Variants in AKR1C3 observed in about 807,000 individuals in gnomAD.
AKR1C3 encodes 3-alpha hydroxysteroid dehydrogenase, type II.
In AKR1C3, 48 loss-of-function variants were observed where a neutral mutation model predicts 43.6. That is an observed-to-expected ratio of 1.10 (90% CI 0.87 to 1.40). The LOEUF is 1.40. Among genes scored for constraint, AKR1C3 ranks in the 40% most tolerant of loss-of-function variants. The pLI, the probability that AKR1C3 is intolerant of heterozygous loss-of-function variation, is 0.00. For synonymous variants in AKR1C3, 162 were observed against 139.6 expected (o/e 1.16, Z -1.13); for missense variants, 482 against 391.2 (o/e 1.23, Z -1.96).
In AKR1C3 at chr10:5,100,276, A is replaced by G. The variant is rs1839315782; in HGVS notation, c.570+827A>G. On this transcript the variant is annotated intron_variant, in intron 5 of 8. Transcript: ENST00000380554. ...GCCATTGCACTCCAGCCTGGGCAACAAGAGTGAAACTCCGTCTCAAAAAAA... is the reference window on the plus strand; with the variant it reads ...GCCATTGCACTCCAGCCTGGGCAACGAGAGTGAAACTCCGTCTCAAAAAAA... Among the ~76,000 whole-genome samples, 4 of 152,176 alleles carry G rather than the reference A, an allele frequency of 2.6e-5. No homozygotes were observed. In the South Asian group the frequency reaches 8.3e-4, roughly 32 times the overall value.
At chr10:5,052,382 G>C (rs1321657862) in intron 1 of AKR1C3, among the ~76,000 whole-genome samples, 1 of 152,210 alleles carries the variant, frequency 6.6e-6, no homozygotes, top group Non-Finnish European at 1.5e-5. Flanking sequence ...GACCTGAGCA[G>C]GTTGCCACTG....
intron 1 of AKR1C3, among the ~76,000 whole-genome samples, chr10:5,051,083 G>GTTT (rs112258370): frequency 2.6e-5 from 4 of 152,112 alleles, no homozygotes; most frequent in African/African-American, 9.7e-5. Flanking sequence ...TTGACTGTGT[G>GTTT]TGTGTTTTGT....
intron 1 of AKR1C3, among the ~76,000 whole-genome samples, chr10:5,056,714 A>G: frequency 6.6e-6 from 1 of 152,218 alleles, no homozygotes; most frequent in East Asian, 1.9e-4. Flanking sequence ...GGGACAACAA[A>G]TGGGTAACTT....
chr10:5,097,343 G>T, intron 2 of AKR1C3, 91 bp from the exon 3 acceptor site: 1 of 1,476,846 alleles, frequency 6.8e-7, no homozygotes. Flanking sequence ...TTTTGAAGCA[G>T]TAGGAAAATA....
chr10:5,084,986 A>G (rs1456418293), intron 1 of AKR1C3, among the ~76,000 whole-genome samples: 2 of 152,126 alleles, frequency 1.3e-5, no homozygotes, highest in East Asian at 1.9e-4. Flanking sequence ...GGCTGAGACA[A>G]TGGGGTTTTC....
At chr10:5,071,235 A>G (rs1456845305) in intron 1 of AKR1C3, among the ~76,000 whole-genome samples, 3 of 152,180 alleles carry the variant, frequency 2.0e-5, no homozygotes, top group African/African-American at 7.2e-5. Flanking sequence ...ATCTCATTGG[A>G]TGAGAGCCTT....
At chr10:5,058,314 G>C (rs1285821922) in intron 1 of AKR1C3, among the ~76,000 whole-genome samples, 2 of 152,168 alleles carry the variant, frequency 1.3e-5, no homozygotes, top group Non-Finnish European at 2.9e-5. Flanking sequence ...CCCTCTTAGA[G>C]AAAAGGTCAA....
At chr10:5,060,528 G>C (rs1455008992) in intron 1 of AKR1C3, among the ~76,000 whole-genome samples, 1 of 152,160 alleles carries the variant, frequency 6.6e-6, no homozygotes, top group Non-Finnish European at 1.5e-5. Context: ...CAAACCTCGA[G>C]CTAGATACAG....
chr10:5,101,587 T>C (rs1435142335), intron 5 of AKR1C3, among the ~76,000 whole-genome samples: 1 of 152,240 alleles, frequency 6.6e-6, no homozygotes, highest in Non-Finnish European at 1.5e-5. Context: ...TACTCTGGAC[T>C]TGGACATTTT....
At chr10:5,055,409 A>G (rs1221116788) in intron 1 of AKR1C3, among the ~76,000 whole-genome samples, 3 of 152,228 alleles carry the variant, frequency 2.0e-5, no homozygotes, top group Admixed American at 2.0e-4. Flanking sequence ...AGTGCCTAGT[A>G]TCTAAGTAGG....
intron 1 of AKR1C3, among the ~76,000 whole-genome samples, chr10:5,062,881 CA>C: frequency 7.1e-6 from 1 of 139,918 alleles, no homozygotes; most frequent in African/African-American, 2.6e-5. Context: ...GGAAAGAAAA[CA>C]AAAAAACTTG....
At chr10:5,101,844 C>A (rs1554786046) in intron 5 of AKR1C3, among the ~76,000 whole-genome samples, 1 of 152,148 alleles carries the variant, frequency 6.6e-6, no homozygotes, top group Non-Finnish European at 1.5e-5. Context: ...GTTACATCTC[C>A]TTCTAGTTGT....
chr10:5,065,581 G>A (rs77239972), intron 1 of AKR1C3, among the ~76,000 whole-genome samples: 6,028 of 152,196 alleles, frequency 0.04, 412 homozygotes, highest in African/African-American at 0.14. Flanking sequence ...ATATTTATTC[G>A]AAATGAAAGT....
At chr10:5,054,102 C>T (rs763165678) in intron 1 of AKR1C3, among the ~76,000 whole-genome samples, 22 of 152,250 alleles carry the variant, frequency 1.4e-4, no homozygotes, top group South Asian at 6.2e-4. Context: ...GTACTATCCC[C>T]GACTGGTTAG....
chr10:5,060,967 G>A (rs1554780173), intron 1 of AKR1C3, among the ~76,000 whole-genome samples: 1 of 152,212 alleles, frequency 6.6e-6, no homozygotes, highest in East Asian at 1.9e-4. Context: ...TGCCCACCTG[G>A]AACTCACGCT....
In AKR1C3 at chr10:5,097,543, C is replaced by A. The variant is rs967542977; in HGVS notation, c.362C>A (p.Ser121Tyr). The A allele has an allele frequency of 6.2e-7, 1 of 1,613,566 alleles. No individual in the cohort carries two copies. ...VDLYLIHSPM[S>Y]LKPGEELSPT... ...CTCTATCTTATTCATTCTCCAATGTCTCTAAAGGTATGCAGTTTGTATGAG... is the reference window on the plus strand; with the variant it reads ...CTCTATCTTATTCATTCTCCAATGTATCTAAAGGTATGCAGTTTGTATGAG... Residue 121 changes from serine to tyrosine, a missense_variant, in exon 3 of 9, where the codon TCT becomes TAT. Coordinates refer to ENST00000380554, the MANE Select transcript of AKR1C3 (RefSeq NM_003739.6).
chr10:5,091,527 T>C (rs1554784169), upstream of AKR1C3, among the ~76,000 whole-genome samples: 1 of 152,108 alleles, frequency 6.6e-6, no homozygotes, highest in African/African-American at 2.4e-5. Flanking sequence ...ATTAACAATG[T>C]TTTTTGTGTA....
chr10:5,100,148 G>C (rs1839312124), intron 5 of AKR1C3, among the ~76,000 whole-genome samples: 1 of 152,108 alleles, frequency 6.6e-6, no homozygotes, highest in South Asian at 2.1e-4. Flanking sequence ...CAAAAAATTA[G>C]CTGAGTTTGG....
chr10:5,096,322 C>G (rs1217868157), intron 1 of AKR1C3, 88 bp from the exon 2 acceptor site: 8 of 1,478,918 alleles, frequency 5.4e-6, no homozygotes, highest in Non-Finnish European at 6.4e-6. Flanking sequence ...GGAGGAAAAG[C>G]TGATTCTTGT....
Sources: gnomAD v4.1 joint callset for allele counts (sites outside exome capture counted in the v4.1 genomes callset) on GRCh38, gnomAD v4.1.1 for gene constraint, MANE v1.5 for transcripts, NCBI Gene and HGNC (gene_info 2026-07-23, HGNC 2026-07-21) for gene names.